CELF4: variants seen among roughly 807,000 people sequenced by gnomAD.
The protein encoded by CELF4 is CUG-BP- and ETR-3-like factor 4.
In CELF4, 18 loss-of-function variants were observed where a neutral mutation model predicts 59.9. The ratio of observed to expected loss-of-function variants is 0.30; its 90% CI spans 0.21 to 0.45. The LOEUF is 0.45. Ranked by LOEUF, CELF4 falls within the 20% of genes least tolerant of loss-of-function variation. The pLI is 1.00. For missense variants in CELF4, 456 were observed against 689.0 expected, an observed-to-expected ratio of 0.66 and a Z score of 3.79; for synonymous variants, 261 against 267.1, an observed-to-expected ratio of 0.98 and a Z score of 0.22.
intron 3 of CELF4, among the ~76,000 whole-genome samples, chr18:37,310,653 C>G (rs1000481161): frequency 6.6e-6 from 1 of 152,196 alleles, no homozygotes; most frequent in Admixed American, 6.5e-5. Flanking sequence ...GTCCCTCCCC[C>G]CAATCACCTG....
intron 2 of CELF4, among the ~76,000 whole-genome samples, chr18:37,378,245 G>A (rs1264898736): frequency 6.6e-6 from 1 of 152,188 alleles, no homozygotes; most frequent in Non-Finnish European, 1.5e-5. Flanking sequence ...AGGAGCGGAA[G>A]GTGCTTTCTC....
At chr18:37,351,441 C>T (rs1430097546) in intron 2 of CELF4, among the ~76,000 whole-genome samples, 1 of 152,176 alleles carries the variant, frequency 6.6e-6, no homozygotes, top group African/African-American at 2.4e-5. Context: ...TCTACCTGCC[C>T]TGAACCTACT....
At chr18:37,492,003 C>T (rs566495181) in intron 1 of CELF4, among the ~76,000 whole-genome samples, 6 of 152,296 alleles carry the variant, frequency 3.9e-5, no homozygotes, top group Non-Finnish European at 5.9e-5. Context: ...GTAATCATCA[C>T]GGAAGGGAAG....
chr18:37,521,162 A>G (rs1304491749), intron 1 of CELF4, among the ~76,000 whole-genome samples: 1 of 152,146 alleles, frequency 6.6e-6, no homozygotes, highest in Admixed American at 6.5e-5. Flanking sequence ...CTGTGGCCCT[A>G]TCACTCTCTC....
At chr18:37,359,168 GC>G (rs2154558897) in intron 2 of CELF4, among the ~76,000 whole-genome samples, 1 of 152,270 alleles carries the variant, frequency 6.6e-6, no homozygotes, top group African/African-American at 2.4e-5. Context: ...CATGTGAAGG[GC>G]GACAAGGGAG....
At chr18:37,455,696 C>G (rs528259189) in intron 2 of CELF4, among the ~76,000 whole-genome samples, 1 of 152,176 alleles carries the variant, frequency 6.6e-6, no homozygotes, top group Admixed American at 6.5e-5. Flanking sequence ...GCAGGACACA[C>G]GCTTTTAGGT....
intron 1 of CELF4, among the ~76,000 whole-genome samples, chr18:37,549,323 G>A (rs1399072515): frequency 6.6e-6 from 1 of 152,218 alleles, no homozygotes; most frequent in Non-Finnish European, 1.5e-5. Context: ...AGAGGGCTTG[G>A]AAGGGGTGCA....
At chr18:37,485,912 T>A (rs967164080) in intron 1 of CELF4, 24 of 222,084 alleles carry the variant, frequency 1.1e-4, no homozygotes, top group Admixed American at 8.0e-4. Context: ...CCCTGGTGCC[T>A]CAGACCTCTC....
chr18:37,464,439 C>G (rs1329776379), intron 2 of CELF4, among the ~76,000 whole-genome samples: 1 of 152,204 alleles, frequency 6.6e-6, no homozygotes, highest in Admixed American at 6.5e-5. Context: ...TGCAGAATGA[C>G]TCAGGCAGCC....
intron 2 of CELF4, among the ~76,000 whole-genome samples, chr18:37,438,900 G>A (rs2099702420): frequency 6.6e-6 from 1 of 152,128 alleles, no homozygotes; most frequent in African/African-American, 2.4e-5. Context: ...ATTAGGTTAG[G>A]ATTAGGTAAG....
At chr18:37,362,779 C>G (rs2154560881) in intron 2 of CELF4, among the ~76,000 whole-genome samples, 1 of 152,306 alleles carries the variant, frequency 6.6e-6, no homozygotes, top group Non-Finnish European at 1.5e-5. Context: ...CCTCGGCTCT[C>G]CCTGCTGATC....
intron 2 of CELF4, among the ~76,000 whole-genome samples, chr18:37,482,603 T>G (rs2099871112): frequency 1.3e-5 from 2 of 152,206 alleles, no homozygotes; most frequent in South Asian, 2.1e-4. Context: ...GAACAGCCAC[T>G]GTGGTCTGGT....
intron 2 of CELF4, among the ~76,000 whole-genome samples, chr18:37,429,007 G>A (rs1252161730): frequency 6.6e-6 from 1 of 152,138 alleles, no homozygotes; most frequent in Admixed American, 6.5e-5. Context: ...ATGTTTGCAG[G>A]GGCCTGAGCA....
chr18:37,481,858 G>A (rs563619944), intron 2 of CELF4, among the ~76,000 whole-genome samples: 52 of 152,314 alleles, frequency 3.4e-4, no homozygotes, highest in Admixed American at 1.8e-3. Flanking sequence ...ACTCAGTGCT[G>A]GTCCTGGCTC....
At chr18:37,532,495 A>T (rs937178961) in intron 1 of CELF4, among the ~76,000 whole-genome samples, 2 of 152,210 alleles carry the variant, frequency 1.3e-5, no homozygotes, top group African/African-American at 2.4e-5. Context: ...CAGATGAAAG[A>T]CCAGACATTT....
intron 2 of CELF4, among the ~76,000 whole-genome samples, chr18:37,363,178 T>C (rs888917000): frequency 1.2e-4 from 18 of 152,048 alleles, no homozygotes; most frequent in Admixed American, 7.9e-4. Flanking sequence ...GGGGGCTGTG[T>C]GGGGAGGGGA....
chr18:37,401,764 C>G (rs1332363120), intron 2 of CELF4, among the ~76,000 whole-genome samples: 1 of 152,224 alleles, frequency 6.6e-6, no homozygotes, highest in Non-Finnish European at 1.5e-5. Flanking sequence ...AGGACACCAT[C>G]CAGCGTTCTT....
chr18:37,328,059 AAGATGG>A (rs1425965111), intron 2 of CELF4, among the ~76,000 whole-genome samples: 2 of 152,158 alleles, frequency 1.3e-5, no homozygotes, highest in Non-Finnish European at 1.5e-5. Flanking sequence ...GAGAGAAAAG[AAGATGG>A]AGATGGAGAG....
intron 2 of CELF4, among the ~76,000 whole-genome samples, chr18:37,390,987 G>A (rs1293232534): frequency 3.3e-5 from 5 of 152,256 alleles, no homozygotes; most frequent in East Asian, 1.9e-4. Context: ...TCCTGTCCCC[G>A]TCCTTGTAAC....
Sources: gnomAD v4.1 joint callset for allele counts (sites outside exome capture counted in the v4.1 genomes callset) on GRCh38, gnomAD v4.1.1 for gene constraint, MANE v1.5 for transcripts, NCBI Gene and HGNC (gene_info 2026-07-23, HGNC 2026-07-21) for gene names.